Variants in ZNF354A observed in about 807,000 individuals in gnomAD.
ZNF354A encodes the protein zinc finger protein 354A.
Under a neutral mutation model 53.3 loss-of-function variants are expected in ZNF354A, and 25 were observed. The ratio of observed to expected loss-of-function variants is 0.47; its 90% CI spans 0.34 to 0.66. The LOEUF is 0.66. ZNF354A is among the 30% of genes least tolerant of loss of function. The pLI is 0.01. For missense variants in ZNF354A, 586 were observed against 716.8 expected, an observed-to-expected ratio of 0.82 and a Z score of 2.08; for synonymous variants, 228 against 249.0, an observed-to-expected ratio of 0.92 and a Z score of 0.79.
chr5:178,712,894 A>G lies in ZNF354A; in HGVS notation c.984T>C (p.Tyr328=), dbSNP rs1200014761. 1 of 1,614,006 alleles carries G rather than the reference A, an allele frequency of 6.2e-7. No individual in the cohort carries two copies. The highest frequency in any genetic ancestry group is 1.7e-5 in the Admixed American group (1 of 60,002). Reference sequence around the variant, plus strand: ...AACTAGATGCCTTCCTACCCGGATTATACTTACAAGGGTTTTCTTCAGCAT... The same window carrying G: ...AACTAGATGCCTTCCTACCCGGATTGTACTTACAAGGGTTTTCTTCAGCAT... ...KIHAEENPCK[Y]NPGRKASSCS... Residue 328 remains tyrosine (Y), a synonymous_variant, in exon 5 of 5, where the codon TAT becomes TAC. Transcript: ENST00000335815.
Position 178,712,032 on chromosome 5 carries a change from A to C in ZNF354A, c.*28T>G. 6.5e-7 allele frequency: 1 copy of C among 1,541,832 alleles called. No individual in the cohort carries two copies. The highest frequency in any genetic ancestry group is 8.7e-7 in the Non-Finnish European group (1 of 1,148,746). On this transcript the variant is annotated 3_prime_UTR_variant, in exon 5 of 5. Transcript: ENST00000335815. ...TGTATTCTTCGATGAGCTTTGGTTT[A>C]AGGCTTTCACACATACAAATCTACT... is the stretch of plus-strand genomic sequence containing the variant.
chr5:178,725,546 A>C, intron 3 of ZNF354A, 75 bp from the exon 4 acceptor site: 1 of 1,463,002 alleles, frequency 6.8e-7, no homozygotes, highest in Non-Finnish European at 9.5e-7. Context: ...CCAAATTTAA[A>C]TACAGAACTC....
rs1450102226 is a variant in ZNF354A, at chr5:178,713,223, A to G, written c.655T>C (p.Cys219Arg). The G allele has an allele frequency of 6.2e-7, 1 of 1,614,140 alleles. No individual in the cohort carries two copies. The highest frequency in any genetic ancestry group is 2.2e-5 in the East Asian group (1 of 44,872). Residue 219 changes from cysteine to arginine, a missense_variant, in exon 5 of 5, where the codon TGT becomes CGT. Cys to Arg is a radical substitution (Grantham distance 180). Coordinates refer to ENST00000335815, the MANE Select transcript of ZNF354A (RefSeq NM_005649.3). ...GAAGTGTTAATGAAGGTTTTTTCAC[A>G]CAGACTACATTTATAGCGTTTATCT... ...TADKRYKCSLCEKTFINTSSL... is the reference protein window; with the variant it reads ...TADKRYKCSLREKTFINTSSL...
chr5:178,723,799 C>T (rs191198565), intron 4 of ZNF354A, among the ~76,000 whole-genome samples: 1,778 of 152,050 alleles, frequency 0.012, 21 homozygotes, highest in African/African-American at 0.041. Flanking sequence ...CAGAGCCCCC[C>T]CAGTTCAACC....
intron 4 of ZNF354A, among the ~76,000 whole-genome samples, chr5:178,717,755 C>A (rs4246822): frequency 0.95 from 144,418 of 152,252 alleles, 68,643 homozygotes; most frequent in Middle Eastern, 0.98. Flanking sequence ...TGAAATATTA[C>A]GAGGTTAAGA....
rs985705982 is a variant in ZNF354A at position 178,713,599 on chromosome 5, G to A, written c.279C>T (p.Thr93=). The A allele has an allele frequency of 6.4e-7, 1 of 1,567,226 alleles. No individual in the cohort carries two copies. Among genetic ancestry groups the A allele is most frequent in the African/African-American group, 1.4e-5 (1 of 72,480 alleles). The part of the protein sequence containing the change: ...SSLGSKSSHK[T]TKSTQTQDSS... ...AGTCTTGTGTTTGCGTTGACTTTGT[G>A]GTTTTATGACTGCTCTTCGATCCTG... The change falls in exon 5 of 5, where the codon ACC becomes ACT. Residue 93 remains threonine, a synonymous_variant. Transcript: ENST00000335815.
At chr5:178,718,560 G>A (rs1228941549) in intron 4 of ZNF354A, among the ~76,000 whole-genome samples, 5 of 152,210 alleles carry the variant, frequency 3.3e-5, no homozygotes, top group Admixed American at 3.3e-4. Flanking sequence ...TTCCACTTGT[G>A]TATCTTTCTT....
At chr5:178,718,554 A>C (rs762477454) in intron 4 of ZNF354A, among the ~76,000 whole-genome samples, 6 of 152,182 alleles carry the variant, frequency 3.9e-5, no homozygotes, top group Non-Finnish European at 8.8e-5. Flanking sequence ...TAGAATTTCC[A>C]CTTGTGTATC....
At chr5:178,730,343 C>T (rs1766009608) in intron 1 of ZNF354A, among the ~76,000 whole-genome samples, 1 of 152,104 alleles carries the variant, frequency 6.6e-6, no homozygotes, top group African/African-American at 2.4e-5. Flanking sequence ...AAACGCCAGG[C>T]CCGGCGTCCA....
intron 1 of ZNF354A, 134 bp downstream of exon 1, chr5:178,730,422 C>T (rs1766012163): frequency 6.6e-6 from 1 of 152,152 alleles, no homozygotes; most frequent in Non-Finnish European, 1.5e-5. Context: ...GAGTCCAGAT[C>T]CCGGCGCGGG....
chr5:178,724,654 A>G (rs1373612548), intron 4 of ZNF354A, among the ~76,000 whole-genome samples: 2 of 152,228 alleles, frequency 1.3e-5, no homozygotes, highest in Non-Finnish European at 2.9e-5. Context: ...GCCCCCTTCC[A>G]TGGACCCATT....
intron 4 of ZNF354A, among the ~76,000 whole-genome samples, chr5:178,719,915 C>T (rs1330884635): frequency 6.6e-6 from 1 of 150,478 alleles, no homozygotes; most frequent in Non-Finnish European, 1.5e-5. Flanking sequence ...CCACCGCACT[C>T]CAGCCTGGGC....
At chr5:178,727,235 T>G (rs1205401605) in intron 2 of ZNF354A, 110 bp from the exon 3 acceptor site, 1 of 1,259,646 alleles carries the variant, frequency 7.9e-7, no homozygotes, top group African/African-American at 1.4e-5. Context: ...TATTCAAGCT[T>G]CTGAAGGTTC....
In ZNF354A at chr5:178,712,441, T is replaced by A. The variant is rs1132338; in HGVS notation, c.1437A>T (p.Ser479=). The A allele has an allele frequency of 1.7e-5, 28 of 1,612,820 alleles. No homozygotes were observed. The highest frequency in any genetic ancestry group is 6.7e-5 in the East Asian group (3 of 44,868). Residue 479 remains serine, a synonymous_variant, in exon 5 of 5, where the codon TCA becomes TCT. Coordinates refer to ENST00000335815, the MANE Select transcript of ZNF354A (RefSeq NM_005649.3). The part of the protein sequence containing the change: ...KVCGKAFRQS[S]ALIQHQRMHT... The stretch of plus-strand genomic sequence containing the variant: ...GCATTCTCTGATGTTGAATGAGAGC[T>A]GAACTCTGTCTGAAGGCTTTTCCAC...
intron 3 of ZNF354A, among the ~76,000 whole-genome samples, chr5:178,726,454 C>T (rs1393487872): frequency 6.6e-6 from 1 of 151,966 alleles, no homozygotes; most frequent in Non-Finnish European, 1.5e-5. Flanking sequence ...CCCGGCATCA[C>T]ACCCAGCTAA....
intron 4 of ZNF354A, among the ~76,000 whole-genome samples, chr5:178,716,996 T>C (rs1237441748): frequency 7.0e-6 from 1 of 142,628 alleles, no homozygotes; most frequent in East Asian, 2.1e-4. Flanking sequence ...GAGAATTGCT[T>C]GAACCCAGGA....
intron 2 of ZNF354A, 72 bp from the exon 3 acceptor site, chr5:178,727,197 C>T (rs775303177): frequency 1.4e-6 from 2 of 1,463,468 alleles, no homozygotes; most frequent in Admixed American, 2.2e-5. Flanking sequence ...GTGGGAAAGA[C>T]ACGCTACCCG....
In ZNF354A at chr5:178,726,979, T is replaced by C. The variant is rs772251953; in HGVS notation, c.160+20A>G. 1 of 1,593,308 alleles carries C rather than the reference T, an allele frequency of 6.3e-7. No individual in the cohort carries two copies. Among genetic ancestry groups the C allele is most frequent in the Admixed American group, 1.8e-5 (1 of 55,680 alleles). ...TATCCCAATTTTTGAATTCTGTTTC[T>C]AGAGGGAAAATTTCCTTACCCAGTG... On this transcript the variant is annotated intron_variant, in intron 3 of 4. Transcript: ENST00000335815.
chr5:178,725,853 C>T (rs372417829), intron 3 of ZNF354A, among the ~76,000 whole-genome samples: 8 of 152,132 alleles, frequency 5.3e-5, no homozygotes, highest in East Asian at 1.9e-4. Flanking sequence ...TATCTGACTC[C>T]GCTTTTTTTT....
Sources: gnomAD v4.1 joint callset for allele counts (sites outside exome capture counted in the v4.1 genomes callset) on GRCh38, gnomAD v4.1.1 for gene constraint, MANE v1.5 for transcripts, NCBI Gene and HGNC (gene_info 2026-07-23, HGNC 2026-07-21) for gene names.